Variants in MAP4K3 observed in about 807,000 individuals in gnomAD.
MAP4K3 encodes mitogen-activated protein kinase kinase kinase kinase 3.
MAP4K3 carries 94 observed loss-of-function variants against 143.5 expected under a neutral mutation model. That is an observed-to-expected ratio of 0.65 (90% CI 0.55 to 0.78). MAP4K3 has a LOEUF of 0.78. Among genes scored for constraint, MAP4K3 ranks in the 30% least tolerant of loss-of-function variants. MAP4K3 has a pLI of 0.00. For synonymous variants in MAP4K3, 416 were observed against 347.2 expected (o/e 1.20, Z -2.20); for missense variants, 1,077 against 1,068.1 (o/e 1.01, Z -0.12).
intron 2 of MAP4K3, among the ~76,000 whole-genome samples, chr2:39,363,321 G>A (rs552961356): frequency 1.3e-5 from 2 of 152,096 alleles, no homozygotes; most frequent in Non-Finnish European, 2.9e-5. Flanking sequence ...GGGGTTACTA[G>A]GCACTCCTAC....
intron 1 of MAP4K3, among the ~76,000 whole-genome samples, chr2:39,392,198 A>AAAAAAAAAAAAAAC (rs1666683559): frequency 6.6e-6 from 1 of 151,446 alleles, no homozygotes; most frequent in Non-Finnish European, 1.5e-5. Context: ...AAAAAAAAAA[A>AAAAAAAAAAAAAAC]AAAAAAATTA....
intron 1 of MAP4K3, among the ~76,000 whole-genome samples, chr2:39,383,567 C>T (rs888470899): frequency 6.6e-6 from 1 of 152,072 alleles, no homozygotes; most frequent in Non-Finnish European, 1.5e-5. Context: ...GAGTGACATA[C>T]ATCCCTGGTT....
intron 14 of MAP4K3, 42 bp downstream of exon 14, chr2:39,309,419 C>A: frequency 7.1e-7 from 1 of 1,418,192 alleles, no homozygotes; most frequent in East Asian, 2.3e-5. Flanking sequence ...CAAATTAAAA[C>A]ATTTATTTTC....
At chr2:39,395,023 C>T (rs1399875761) in intron 1 of MAP4K3, among the ~76,000 whole-genome samples, 1 of 152,164 alleles carries the variant, frequency 6.6e-6, no homozygotes, top group East Asian at 1.9e-4. Flanking sequence ...TCCACTATGA[C>T]AGCAATTATT....
intron 12 of MAP4K3, among the ~76,000 whole-genome samples, chr2:39,320,696 G>C (rs551254258): frequency 6.6e-6 from 1 of 152,244 alleles, no homozygotes; most frequent in African/African-American, 2.4e-5. Context: ...GGAAGTAAAA[G>C]AGGTCTTATT....
intron 1 of MAP4K3, among the ~76,000 whole-genome samples, chr2:39,381,614 G>A (rs1666357504): frequency 6.6e-6 from 1 of 151,910 alleles, no homozygotes; most frequent in Non-Finnish European, 1.5e-5. Context: ...AAGTTTTATA[G>A]TTTTCTTAAA....
chr2:39,325,184 C>T (rs577160752), intron 12 of MAP4K3, among the ~76,000 whole-genome samples: 19 of 152,254 alleles, frequency 1.2e-4, no homozygotes, highest in African/African-American at 3.6e-4. Flanking sequence ...TTAGGCACTT[C>T]CCATTTGCTT....
In MAP4K3 at chr2:39,311,378, T is replaced by G. The variant is rs187645710; in HGVS notation, c.998-1859A>C. On this transcript the variant is annotated intron_variant, in intron 13 of 33. Transcript: ENST00000263881. ...ACAGGCGTGAGCCACTGTGCCTGGC[T>G]GAGACCATCTTAATTCAGTATTTAG... is the stretch of plus-strand genomic sequence containing the variant. Among the ~76,000 whole-genome samples the G allele has an allele frequency of 6.0e-3, 916 of 152,254 alleles. 9 individuals are homozygous for G. Among genetic ancestry groups the G allele is most frequent in the Admixed American group, 0.017 (257 of 15,290 alleles).
intron 1 of MAP4K3, among the ~76,000 whole-genome samples, chr2:39,383,377 C>A (rs1469918906): frequency 1.3e-5 from 2 of 151,234 alleles, no homozygotes; most frequent in African/African-American, 2.4e-5. Flanking sequence ...AACTCACTAT[C>A]ATGAGAAGAG....
At chr2:39,276,992 G>A (rs1681284298) in intron 24 of MAP4K3, among the ~76,000 whole-genome samples, 1 of 152,248 alleles carries the variant, frequency 6.6e-6, no homozygotes, top group African/African-American at 2.4e-5. Context: ...TGGGTGAACT[G>A]TATGATATGT....
At chr2:39,253,460 G>T (rs968742883) in intron 32 of MAP4K3, among the ~76,000 whole-genome samples, 1 of 152,084 alleles carries the variant, frequency 6.6e-6, no homozygotes. Context: ...ACTTACTATA[G>T]GTCAGGAACC....
At chr2:39,282,603 T>C (rs1681585758) in intron 21 of MAP4K3, 49 bp from the exon 22 acceptor site, 3 of 1,229,210 alleles carry the variant, frequency 2.4e-6, no homozygotes, top group Non-Finnish European at 2.4e-6. Context: ...TGCTGTTTGA[T>C]ATAATAATAC....
intron 32 of MAP4K3, among the ~76,000 whole-genome samples, chr2:39,252,318 G>C (rs150439457): frequency 1.4e-4 from 21 of 152,350 alleles, no homozygotes; most frequent in Non-Finnish European, 2.8e-4. Context: ...CCTTGAGTTT[G>C]ACTGTCAGTT....
intron 3 of MAP4K3, among the ~76,000 whole-genome samples, chr2:39,354,553 G>A (rs1038435972): frequency 6.6e-6 from 1 of 152,062 alleles, no homozygotes; most frequent in African/African-American, 2.4e-5. Flanking sequence ...GGGAAGTGGA[G>A]GTTGCAGTGA....
At chr2:39,356,691 G>T (rs989668144) in intron 2 of MAP4K3, among the ~76,000 whole-genome samples, 2 of 152,172 alleles carry the variant, frequency 1.3e-5, no homozygotes, top group African/African-American at 4.8e-5. Flanking sequence ...TAGGAATGTT[G>T]TAAGGGTTAA....
rs1176716171 is a variant in MAP4K3 at position 39,288,193 on chromosome 2, G to A, written c.1402C>T (p.Pro468Ser). The stretch of plus-strand genomic sequence containing the variant: ...GGTGGAACTTGGGATGGCTTTGCTG[G>A]GCTCCCTGACATGGGACATCTCTTG... ...TIKRCPMSGS[P>S]AKPSQVPPRP... is the part of the protein sequence containing the mutation. The change falls in exon 20 of 34, where the codon CCA becomes TCA. Residue 468 changes from proline to serine, a missense_variant. This residue lies in a region of MAP4K3 where 864 missense variants were observed against 801.2 expected (regional missense o/e 1.08). Coordinates refer to ENST00000263881, the MANE Select transcript of MAP4K3 (RefSeq NM_003618.4). The A allele has an allele frequency of 1.2e-6, 2 of 1,613,914 alleles. No individual in the cohort carries two copies. Among genetic ancestry groups the A allele is most frequent in the African/African-American group, 1.3e-5 (1 of 74,880 alleles).
intron 15 of MAP4K3, among the ~76,000 whole-genome samples, chr2:39,304,534 C>T (rs540287414): frequency 1.3e-4 from 20 of 152,132 alleles, no homozygotes; most frequent in Middle Eastern, 3.4e-3. Context: ...TAGCTATTAT[C>T]GAAAGTCAAA....
At position 39,373,215 on chromosome 2, in the gene MAP4K3, T is replaced by C. The variant is rs757762000; in HGVS notation, c.154+4851A>G. ...TCAACATCACTGATCATCAGAGAAA[T>C]GCAAATCAAAACTATACCATGAGAT... On this transcript the variant is annotated intron_variant, in intron 2 of 33. Transcript: ENST00000263881. Among the ~76,000 whole-genome samples the C allele has an allele frequency of 4.1e-4, 63 of 152,218 alleles. 1 individual carries two copies. Among genetic ancestry groups the C allele is most frequent in the Middle Eastern group, 3.4e-3 (1 of 294 alleles).
At chr2:39,332,216 A>G (rs1192201431) in intron 7 of MAP4K3, among the ~76,000 whole-genome samples, 1 of 152,120 alleles carries the variant, frequency 6.6e-6, no homozygotes, top group Non-Finnish European at 1.5e-5. Flanking sequence ...ATATCCCCAC[A>G]TAAATCAAAT....
Sources: allele counts gnomAD v4.1 joint callset (sites outside exome capture counted in the v4.1 genomes callset), GRCh38; gene constraint gnomAD v4.1.1; regional missense constraint gnomAD v4.1.1; transcripts MANE v1.5; gene names NCBI Gene and HGNC (gene_info 2026-07-23, HGNC 2026-07-21).